The following ADCY2 variants were observed in gnomAD, a reference collection of about 807,000 sequenced individuals.
The protein encoded by ADCY2 is adenylate cyclase 2.
ADCY2 carries 31 observed loss-of-function variants against 125.2 expected under a neutral mutation model. That is an observed-to-expected ratio of 0.25 (90% CI 0.19 to 0.33). The LOEUF is 0.33. Ranked by LOEUF, ADCY2 falls within the 10% of genes least tolerant of loss-of-function variation. ADCY2 has a pLI of 1.00. For missense variants in ADCY2, 904 were observed against 1,418.2 expected (o/e 0.64, Z 5.82); for synonymous variants, 512 against 548.4 (o/e 0.93, Z 0.93).
intron 3 of ADCY2, among the ~76,000 whole-genome samples, chr5:7,564,217 T>C (rs918266524): frequency 6.6e-6 from 1 of 152,230 alleles, no homozygotes; most frequent in African/African-American, 2.4e-5. Context: ...GGTCTAGTGC[T>C]ATTTCTTCCT....
At chr5:7,413,786 G>GT (rs1739825216) in intron 1 of ADCY2, among the ~76,000 whole-genome samples, 1 of 152,166 alleles carries the variant, frequency 6.6e-6, no homozygotes, top group Non-Finnish European at 1.5e-5. Context: ...CATAATGTCT[G>GT]TATGTGGAGT....
At chr5:7,614,436 G>T (rs909594930) in intron 3 of ADCY2, among the ~76,000 whole-genome samples, 2 of 152,138 alleles carry the variant, frequency 1.3e-5, no homozygotes, top group African/African-American at 4.8e-5. Flanking sequence ...TCAACTGCCA[G>T]TTTACATGGT....
intron 15 of ADCY2, among the ~76,000 whole-genome samples, chr5:7,754,283 A>G (rs1742918225): frequency 6.6e-6 from 1 of 152,222 alleles, no homozygotes; most frequent in Admixed American, 6.5e-5. Context: ...AAATCTTCAA[A>G]CACAGTAACT....
chr5:7,616,492 A>G (rs1450550069), intron 3 of ADCY2, among the ~76,000 whole-genome samples: 4 of 152,222 alleles, frequency 2.6e-5, no homozygotes. Flanking sequence ...GACATTAATT[A>G]CTTTAGGGGG....
chr5:7,598,789 G>A (rs1028912406), intron 3 of ADCY2, among the ~76,000 whole-genome samples: 11 of 152,106 alleles, frequency 7.2e-5, no homozygotes, highest in Non-Finnish European at 1.2e-4. Context: ...CCACTGCATC[G>A]TCTCCCCTCT....
chr5:7,450,297 G>A (rs187146620), intron 2 of ADCY2, among the ~76,000 whole-genome samples: 13 of 152,272 alleles, frequency 8.5e-5, no homozygotes, highest in South Asian at 6.2e-4. Context: ...TAGTGAACAC[G>A]CAAATGGCAA....
chr5:7,566,355 G>T (rs1032297130), intron 3 of ADCY2, among the ~76,000 whole-genome samples: 5 of 152,074 alleles, frequency 3.3e-5, no homozygotes, highest in African/African-American at 1.2e-4. Flanking sequence ...AATTAGCCAG[G>T]CATGGTGATG....
At chr5:7,467,057 GA>G (rs1410831626) in intron 2 of ADCY2, among the ~76,000 whole-genome samples, 8 of 152,276 alleles carry the variant, frequency 5.3e-5, no homozygotes, top group African/African-American at 1.9e-4. Flanking sequence ...GGCTTATCGG[GA>G]TGTAACCCCA....
In ADCY2 at chr5:7,731,390, G is replaced by A. The variant is rs185901464; in HGVS notation, c.1871+4129G>A. ...CCTGTCTCAGCCTCCTGAGTAGCTCGGATTGCAGGCGCCCAACATCACGCC... is the reference window on the plus strand; with the variant it reads ...CCTGTCTCAGCCTCCTGAGTAGCTCAGATTGCAGGCGCCCAACATCACGCC... On this transcript the variant is annotated intron_variant, in intron 14 of 24. Coordinates refer to ENST00000338316, the MANE Select transcript of ADCY2 (RefSeq NM_020546.3). 4.6e-3 allele frequency among the ~76,000 whole-genome samples: 668 copies of A among 146,056 alleles called. 7 individuals are homozygous for A. The highest frequency in any genetic ancestry group is 0.015 in the African/African-American group (608 of 39,436).
At position 7,617,535 on chromosome 5, in the gene ADCY2, A is replaced by G. The variant is rs1365305737; in HGVS notation, c.571-8632A>G. On this transcript the variant is annotated intron_variant, in intron 3 of 24. Coordinates refer to ENST00000338316, the MANE Select transcript of ADCY2 (RefSeq NM_020546.3). The stretch of plus-strand genomic sequence containing the variant: ...CTAATGCACATATTTAGCAAAGCCC[A>G]CTCCTTTTGATTGTGGTCTTTGAAT... 2.0e-5 allele frequency among the ~76,000 whole-genome samples: 3 copies of G among 152,000 alleles called. No homozygotes were observed. The East Asian group carries it at 5.8e-4, about 29-fold the overall frequency.
At chr5:7,486,749 C>T (rs938278401) in intron 2 of ADCY2, among the ~76,000 whole-genome samples, 2 of 152,146 alleles carry the variant, frequency 1.3e-5, no homozygotes, top group African/African-American at 4.8e-5. Flanking sequence ...CTTTGGAGCA[C>T]ATACTGCCAT....
intron 4 of ADCY2, among the ~76,000 whole-genome samples, chr5:7,660,481 T>G (rs986417702): frequency 2.6e-5 from 4 of 152,030 alleles, no homozygotes; most frequent in Non-Finnish European, 5.9e-5. Flanking sequence ...GGTGTATATA[T>G]AGAGAAGGAA....
At chr5:7,646,538 A>G (rs925616497) in intron 4 of ADCY2, among the ~76,000 whole-genome samples, 11 of 152,190 alleles carry the variant, frequency 7.2e-5, no homozygotes, top group African/African-American at 2.4e-4. Flanking sequence ...GGAGAAAGGC[A>G]TAGTTTATAC....
At chr5:7,663,796 C>T (rs574262264) in intron 4 of ADCY2, among the ~76,000 whole-genome samples, 1 of 152,264 alleles carries the variant, frequency 6.6e-6, no homozygotes, top group East Asian at 1.9e-4. Context: ...ATGACAAACA[C>T]CTGAGGCCAG....
rs552415206 is a variant in ADCY2, at chr5:7,569,443, A to G, written c.570+48544A>G. 7.2e-5 allele frequency among the ~76,000 whole-genome samples: 11 copies of G among 152,270 alleles called. No homozygotes were observed. In the East Asian group the frequency reaches 1.5e-3, roughly 21 times the overall value. On this transcript the variant is annotated intron_variant, in intron 3 of 24. Coordinates refer to ENST00000338316, the MANE Select transcript of ADCY2 (RefSeq NM_020546.3). Reference sequence around the variant, plus strand: ...GGCCTTCATTATGGGCACTAAAGAGATAATTAATTGCTTTAAACAATGTAA... The same window carrying G: ...GGCCTTCATTATGGGCACTAAAGAGGTAATTAATTGCTTTAAACAATGTAA...
chr5:7,584,078 G>C (rs1448453230), intron 3 of ADCY2, among the ~76,000 whole-genome samples: 1 of 152,044 alleles, frequency 6.6e-6, no homozygotes, highest in Non-Finnish European at 1.5e-5. Context: ...TGAGAATGGG[G>C]TGATTTCTTC....
intron 7 of ADCY2, among the ~76,000 whole-genome samples, chr5:7,703,443 A>G (rs1366065311): frequency 2.6e-5 from 4 of 151,814 alleles, no homozygotes; most frequent in East Asian, 1.9e-4. Flanking sequence ...TTCTACATAT[A>G]GCTAGCCAGT....
chr5:7,791,502 C>T (rs1175878641), intron 20 of ADCY2, among the ~76,000 whole-genome samples: 1 of 152,170 alleles, frequency 6.6e-6, no homozygotes, highest in Non-Finnish European at 1.5e-5. Flanking sequence ...TCCCATCTTC[C>T]TGGAAATATT....
chr5:7,626,341 C>G (rs1360893736), intron 4 of ADCY2, 25 bp downstream of exon 4: 1 of 1,610,142 alleles, frequency 6.2e-7, no homozygotes, highest in Admixed American at 1.7e-5. Flanking sequence ...ATCTTACATC[C>G]ACATTATTTT....
Sources: allele counts gnomAD v4.1 joint callset (sites outside exome capture counted in the v4.1 genomes callset), GRCh38; gene constraint gnomAD v4.1.1; transcripts MANE v1.5; gene names NCBI Gene and HGNC (gene_info 2026-07-23, HGNC 2026-07-21).